BICC1: variants seen among roughly 807,000 people sequenced by gnomAD.
The protein encoded by BICC1 is BicC family RNA binding protein 1.
Under a neutral mutation model 111.0 loss-of-function variants are expected in BICC1, and 43 were observed. The observed-to-expected ratio is 0.39, with a 90% confidence interval of 0.30 to 0.50. The LOEUF (loss-of-function observed/expected upper bound fraction) is 0.50. Among genes scored for constraint, BICC1 ranks in the 20% least tolerant of loss-of-function variants. BICC1 has a pLI of 0.88. For missense variants in BICC1, 1,091 were observed against 1,203.2 expected, an observed-to-expected ratio of 0.91 and a Z score of 1.38; for synonymous variants, 467 against 434.4, an observed-to-expected ratio of 1.07 and a Z score of -0.93.
intron 1 of BICC1, among the ~76,000 whole-genome samples, chr10:58,518,873 A>T (rs1022700033): frequency 3.3e-5 from 5 of 152,156 alleles, no homozygotes; most frequent in Admixed American, 1.3e-4. Flanking sequence ...ACGGGCATGG[A>T]GCAAGCACTC....
At chr10:58,677,110 G>A (rs945504909) in intron 2 of BICC1, among the ~76,000 whole-genome samples, 1 of 152,170 alleles carries the variant, frequency 6.6e-6, no homozygotes, top group Non-Finnish European at 1.5e-5. Context: ...AGCGCAAAAA[G>A]GCTGAAAATT....
chr10:58,584,591 C>G (rs760630224), intron 1 of BICC1, among the ~76,000 whole-genome samples: 1 of 152,080 alleles, frequency 6.6e-6, no homozygotes, highest in South Asian at 2.1e-4. Flanking sequence ...TTTTCCTTTT[C>G]CTCATTACAC....
At chr10:58,765,073 TG>T (rs1408043421) in intron 3 of BICC1, among the ~76,000 whole-genome samples, 4 of 152,104 alleles carry the variant, frequency 2.6e-5, no homozygotes, top group Non-Finnish European at 2.9e-5. Context: ...GTTTTTTGTT[TG>T]TTTTTTTGTT....
At chr10:58,584,055 AACACACACACACAC>A (rs140080926) in intron 1 of BICC1, among the ~76,000 whole-genome samples, 68 of 147,958 alleles carry the variant, frequency 4.6e-4, no homozygotes, top group African/African-American at 7.6e-4. Context: ...GTAAACATGA[AACACACACACACAC>A]ACACACACAC....
chr10:58,703,124 T>TGAATTGAC (rs147597460), intron 3 of BICC1, among the ~76,000 whole-genome samples: 3,095 of 151,658 alleles, frequency 0.02, 40 homozygotes, highest in Non-Finnish European at 0.034. Context: ...TAGCTGGACT[T>TGAATTGAC]GAATTGACTG....
At chr10:58,535,344 C>G (rs1433854591) in intron 1 of BICC1, among the ~76,000 whole-genome samples, 1 of 151,676 alleles carries the variant, frequency 6.6e-6, no homozygotes, top group Non-Finnish European at 1.5e-5. Flanking sequence ...ACAAAAGCAT[C>G]AGGTAACCTA....
intron 2 of BICC1, among the ~76,000 whole-genome samples, chr10:58,676,771 G>T (rs1839356753): frequency 6.6e-6 from 1 of 152,166 alleles, no homozygotes; most frequent in Non-Finnish European, 1.5e-5. Context: ...CTCCCTACAG[G>T]GGTCGACAGA....
At chr10:58,794,218 C>G (rs1843278470) in intron 9 of BICC1, among the ~76,000 whole-genome samples, 1 of 145,754 alleles carries the variant, frequency 6.9e-6, no homozygotes, top group African/African-American at 2.6e-5. Context: ...TGTACATGCC[C>G]AGTGTAATTC....
chr10:58,808,832 C>T (rs912064286), intron 17 of BICC1, among the ~76,000 whole-genome samples: 13 of 151,898 alleles, frequency 8.6e-5, no homozygotes, highest in African/African-American at 2.9e-4. Context: ...TCTCCCATCT[C>T]AGCCTCCCGA....
chr10:58,609,244 C>T (rs960190167), intron 1 of BICC1, among the ~76,000 whole-genome samples: 3 of 152,154 alleles, frequency 2.0e-5, no homozygotes, highest in African/African-American at 7.2e-5. Context: ...TCCCTCCATC[C>T]CTAAAAGTAC....
At chr10:58,693,176 C>A (rs1839964253) in intron 2 of BICC1, among the ~76,000 whole-genome samples, 1 of 152,188 alleles carries the variant, frequency 6.6e-6, no homozygotes, top group Non-Finnish European at 1.5e-5. Flanking sequence ...CATGTCCCTA[C>A]AAAGGACGTG....
At chr10:58,744,620 G>A (rs1841774967) in intron 3 of BICC1, among the ~76,000 whole-genome samples, 1 of 151,918 alleles carries the variant, frequency 6.6e-6, no homozygotes, top group South Asian at 2.1e-4. Flanking sequence ...TATTTTATTA[G>A]CCATTGAAGA....
At chr10:58,595,707 T>G (rs1173907329) in intron 1 of BICC1, among the ~76,000 whole-genome samples, 2 of 152,076 alleles carry the variant, frequency 1.3e-5, no homozygotes. Context: ...TGGGACACAT[T>G]TAAAGCAGTG....
Position 58,542,156 on chromosome 10 carries a change from A to AC in BICC1, c.190+28823_190+28824insC, listed in dbSNP as rs199865324. On this transcript the variant is annotated intron_variant, in intron 1 of 20. Coordinates refer to ENST00000373886, the MANE Select transcript of BICC1 (RefSeq NM_001080512.3). ...ACAGAGCAAGACCCTGTCTCAAAAA[A>AC]AAAAAAAAAACAAAAAAAAAAACCC... Among the ~76,000 whole-genome samples the AC allele has an allele frequency of 3.3e-3, 475 of 145,138 alleles. 7 individuals carry two copies. The highest frequency in any genetic ancestry group is 0.013 in the African/African-American group (459 of 35,900).
chr10:58,538,258 T>C (rs1842874079), intron 1 of BICC1, among the ~76,000 whole-genome samples: 1 of 151,644 alleles, frequency 6.6e-6, no homozygotes, highest in African/African-American at 2.4e-5. Flanking sequence ...AACAGTATGG[T>C]ACTGGTAAAA....
At chr10:58,816,352 A>C (rs1844087554) in intron 18 of BICC1, among the ~76,000 whole-genome samples, 1 of 152,156 alleles carries the variant, frequency 6.6e-6, no homozygotes, top group Admixed American at 6.5e-5. Context: ...CCCAGGACTC[A>C]GTATCTTGGG....
At chr10:58,793,780 A>G (rs1269245367) in intron 9 of BICC1, among the ~76,000 whole-genome samples, 165 bp downstream of exon 9, 1 of 152,172 alleles carries the variant, frequency 6.6e-6, no homozygotes, top group Non-Finnish European at 1.5e-5. Flanking sequence ...TTTAGCACTG[A>G]CATGACAGTC....
At chr10:58,527,795 C>G (rs2131844696) in intron 1 of BICC1, among the ~76,000 whole-genome samples, 1 of 152,070 alleles carries the variant, frequency 6.6e-6, no homozygotes, top group Admixed American at 6.6e-5. Flanking sequence ...TACATTGCTT[C>G]TTGAGTGCCC....
At chr10:58,658,167 C>T (rs1027301312) in intron 2 of BICC1, among the ~76,000 whole-genome samples, 2 of 152,190 alleles carry the variant, frequency 1.3e-5, no homozygotes. Context: ...TCTTCACCTA[C>T]AAGCCGGAGC....
Sources: gnomAD v4.1 joint callset for allele counts (sites outside exome capture counted in the v4.1 genomes callset) on GRCh38, gnomAD v4.1.1 for gene constraint, MANE v1.5 for transcripts, NCBI Gene and HGNC (gene_info 2026-07-23, HGNC 2026-07-21) for gene names.